CCSER1: variants seen among roughly 807,000 people sequenced by gnomAD.
CCSER1 encodes the protein serine-rich coiled-coil domain-containing protein 1.
In CCSER1, 41 loss-of-function variants were observed where a neutral mutation model predicts 82.0. The ratio of observed to expected loss-of-function variants is 0.50; its 90% CI spans 0.39 to 0.65. CCSER1 has a LOEUF of 0.65. CCSER1 is among the 30% of genes least tolerant of loss of function. The pLI is 0.00. For synonymous variants in CCSER1, 414 were observed against 383.9 expected, an observed-to-expected ratio of 1.08 and a Z score of -0.92; for missense variants, 1,119 against 1,064.2, an observed-to-expected ratio of 1.05 and a Z score of -0.72.
intron 3 of CCSER1, among the ~76,000 whole-genome samples, chr4:90,365,401 TTC>T (rs758636523): frequency 3.3e-5 from 5 of 151,766 alleles, no homozygotes; most frequent in Non-Finnish European, 7.4e-5. Flanking sequence ...ATACATACAT[TTC>T]TAATATGTTC....
chr4:90,409,467 G>T (rs1754319616), intron 4 of CCSER1, among the ~76,000 whole-genome samples: 1 of 152,174 alleles, frequency 6.6e-6, no homozygotes, highest in Non-Finnish European at 1.5e-5. Flanking sequence ...GAGAGTGGGG[G>T]CCAATATTCA....
intron 10 of CCSER1, among the ~76,000 whole-genome samples, chr4:91,372,406 T>A (rs1176143774): frequency 2.0e-5 from 3 of 152,152 alleles, no homozygotes; most frequent in Admixed American, 2.0e-4. Flanking sequence ...AAATTAGAGG[T>A]AGCTCCAAGA....
intron 9 of CCSER1, among the ~76,000 whole-genome samples, chr4:91,017,474 A>G (rs1447864055): frequency 1.3e-5 from 2 of 152,096 alleles, no homozygotes; most frequent in Non-Finnish European, 2.9e-5. Flanking sequence ...AAACTCGTGT[A>G]ATGGGGGTTT....
At chr4:90,904,406 C>T (rs2150162151) in intron 8 of CCSER1, among the ~76,000 whole-genome samples, 1 of 152,206 alleles carries the variant, frequency 6.6e-6, no homozygotes, top group African/African-American at 2.4e-5. Flanking sequence ...TAAACTTAAC[C>T]ATTGTTTGCT....
intron 10 of CCSER1, among the ~76,000 whole-genome samples, chr4:91,519,467 G>A (rs1473699130): frequency 1.3e-5 from 2 of 152,180 alleles, no homozygotes; most frequent in Non-Finnish European, 2.9e-5. Flanking sequence ...GACAATCACT[G>A]CTCAGGTTCC....
At position 91,439,685 on chromosome 4, in the gene CCSER1, C is replaced by T. The variant is rs1304256754; in HGVS notation, c.2218-158887C>T. Among the ~76,000 whole-genome samples, 5 of 152,088 alleles carry T rather than the reference C, an allele frequency of 3.3e-5. No individual in the cohort carries two copies. The East Asian group carries it at 7.8e-4, about 24-fold the overall frequency. On this transcript the variant is annotated intron_variant, in intron 10 of 10. Coordinates refer to ENST00000509176, the MANE Select transcript of CCSER1 (RefSeq NM_001145065.2). Reference sequence around the variant, plus strand: ...CAGACTGGCAAATTGGATAAAGAGTCAAGACCCATCAGTGTGCTGTATTCA... The same window carrying T: ...CAGACTGGCAAATTGGATAAAGAGTTAAGACCCATCAGTGTGCTGTATTCA...
Position 90,565,977 on chromosome 4 carries a change from C to T in CCSER1, c.1725-62048C>T, listed in dbSNP as rs1579195283. 3.3e-5 allele frequency among the ~76,000 whole-genome samples: 5 copies of T among 151,338 alleles called. No individual in the cohort carries two copies. In the South Asian group the frequency reaches 1.0e-3, roughly 32 times the overall value. On this transcript the variant is annotated intron_variant, in intron 5 of 10. Transcript: ENST00000509176. ...CCGGGTTCAAGTGATTCTCCTGCCT[C>T]ATCCCTAGTAGCTGGGACTACAGGC...
intron 8 of CCSER1, among the ~76,000 whole-genome samples, chr4:90,898,301 A>G (rs1359463438): frequency 1.1e-4 from 2 of 17,802 alleles, no homozygotes; most frequent in Admixed American, 1.2e-3. Flanking sequence ...TTTTTTTTTG[A>G]GACAGAGTCT....
At chr4:91,252,393 TG>T (rs991085650) in intron 10 of CCSER1, among the ~76,000 whole-genome samples, 11 of 152,186 alleles carry the variant, frequency 7.2e-5, no homozygotes, top group African/African-American at 2.2e-4. Flanking sequence ...ATAAGATGTG[TG>T]AAAAAATAAA....
At chr4:90,590,248 T>C (rs1782530497) in intron 5 of CCSER1, among the ~76,000 whole-genome samples, 1 of 152,074 alleles carries the variant, frequency 6.6e-6, no homozygotes, top group African/African-American at 2.4e-5. Context: ...CACTCCAGTC[T>C]GGGAGCCTGG....
chr4:90,634,886 C>T (rs1286801695), intron 6 of CCSER1, among the ~76,000 whole-genome samples: 1 of 151,624 alleles, frequency 6.6e-6, no homozygotes, highest in Non-Finnish European at 1.5e-5. Context: ...ATTAGAAAAA[C>T]AAGTTTCATG....
rs150445867 is a variant in CCSER1, at chr4:90,316,754, G to T, written c.1509+3707G>T. Among the ~76,000 whole-genome samples the T allele has an allele frequency of 3.7e-3, 563 of 152,264 alleles. 4 individuals carry two copies. The highest frequency in any genetic ancestry group is 0.013 in the African/African-American group (544 of 41,542). ...ACCGAAGATATTACCTGATGGATTA[G>T]ATATAGTTAGATATACCACAGTTCT... On this transcript the variant is annotated intron_variant, in intron 3 of 10. Coordinates refer to ENST00000509176, the MANE Select transcript of CCSER1 (RefSeq NM_001145065.2).
chr4:90,632,369 T>C (rs1185174786), intron 6 of CCSER1, among the ~76,000 whole-genome samples: 1 of 152,052 alleles, frequency 6.6e-6, no homozygotes, highest in Non-Finnish European at 1.5e-5. Flanking sequence ...AAGTAATTCA[T>C]TTGGCACTTA....
At chr4:91,565,744 AT>A (rs1762858928) in intron 10 of CCSER1, among the ~76,000 whole-genome samples, 2 of 152,018 alleles carry the variant, frequency 1.3e-5, no homozygotes, top group South Asian at 4.1e-4. Context: ...CTGTACATTG[AT>A]TTTGTATCCT....
At chr4:90,387,411 T>A (rs111514908) in intron 3 of CCSER1, among the ~76,000 whole-genome samples, 257 of 152,320 alleles carry the variant, frequency 1.7e-3, no homozygotes, top group African/African-American at 6.0e-3. Flanking sequence ...GAATTTGACC[T>A]TGCCAAAGAA....
chr4:90,615,091 T>G (rs910155898), intron 5 of CCSER1, among the ~76,000 whole-genome samples: 6 of 152,214 alleles, frequency 3.9e-5, no homozygotes, highest in Non-Finnish European at 7.3e-5. Flanking sequence ...ACAACACATC[T>G]GATTACAACA....
chr4:91,587,810 C>G (rs1301139146), intron 10 of CCSER1, among the ~76,000 whole-genome samples: 2 of 151,482 alleles, frequency 1.3e-5, no homozygotes, highest in Non-Finnish European at 3.0e-5. Context: ...TTGGTTGTTG[C>G]CTTTACCATT....
chr4:90,253,093 AT>A (rs201297864), intron 1 of CCSER1, among the ~76,000 whole-genome samples: 1 of 151,780 alleles, frequency 6.6e-6, no homozygotes, highest in Middle Eastern at 3.2e-3. Flanking sequence ...GTTTGGTGTC[AT>A]TTTTTCTCCA....
chr4:91,069,986 AT>A (rs70965471), intron 9 of CCSER1, among the ~76,000 whole-genome samples: 16,585 of 146,502 alleles, frequency 0.11, 1,134 homozygotes, highest in East Asian at 0.28. Flanking sequence ...ACCTTTTTTA[AT>A]TTTTTTTTTT....
Sources: allele counts gnomAD v4.1 joint callset (sites outside exome capture counted in the v4.1 genomes callset), GRCh38; gene constraint gnomAD v4.1.1; transcripts MANE v1.5; gene names NCBI Gene and HGNC (gene_info 2026-07-23, HGNC 2026-07-21).